The following GRIN2A variants were observed in gnomAD, a reference collection of about 807,000 sequenced individuals.
GRIN2A encodes glutamate receptor ionotropic, NMDA 2A.
Under a neutral mutation model 113.4 loss-of-function variants are expected in GRIN2A, and 22 were observed. The observed-to-expected ratio is 0.19, with a 90% confidence interval of 0.14 to 0.28. The LOEUF (loss-of-function observed/expected upper bound fraction) is 0.28. Among genes scored for constraint, GRIN2A ranks in the 10% least tolerant of loss-of-function variants. The pLI is 1.00. For synonymous variants in GRIN2A, 827 were observed against 738.4 expected, an observed-to-expected ratio of 1.12 and a Z score of -1.94; for missense variants, 1,502 against 1,887.0, an observed-to-expected ratio of 0.80 and a Z score of 3.78.
chr16:9,806,467 A>G lies in GRIN2A; in HGVS notation c.2169-8003T>C, dbSNP rs7186916. 4.1e-3 allele frequency among the ~76,000 whole-genome samples: 623 copies of G among 152,314 alleles called. 3 individuals are homozygous for G. The highest frequency in any genetic ancestry group is 0.014 in the African/African-American group (591 of 41,548). On this transcript the variant is annotated intron_variant, in intron 10 of 12. Transcript: ENST00000330684. ...AATATTCACTGTGAATTGGGCAAAA[A>G]AGATGGATGGTTAATATTTATTTTT...
chr16:10,072,474 G>A (rs1450005843), intron 2 of GRIN2A, among the ~76,000 whole-genome samples: 7 of 152,170 alleles, frequency 4.6e-5, no homozygotes, highest in Non-Finnish European at 7.3e-5. Flanking sequence ...TGAAGCTGGG[G>A]TCCCATGCCC....
intron 3 of GRIN2A, among the ~76,000 whole-genome samples, chr16:9,911,580 T>G (rs1435565770): frequency 6.6e-6 from 1 of 152,172 alleles, no homozygotes; most frequent in African/African-American, 2.4e-5. Context: ...CTGAGCACCA[T>G]CCCAATCCCT....
At chr16:9,805,041 C>T (rs1364457991) in intron 10 of GRIN2A, among the ~76,000 whole-genome samples, 1 of 111,712 alleles carries the variant, frequency 9.0e-6, no homozygotes, top group African/African-American at 3.4e-5. Flanking sequence ...GTAGATCTGA[C>T]CCCATTCCTT....
Position 9,917,891 on chromosome 16 carries a change from T to C in GRIN2A, c.1007+20068A>G, listed in dbSNP as rs549759748. ...CGTTGTACATTTTTAAAAATTTTAT[T>C]CTCAAAAGCCCCAGGGAGTTGGAAT... On this transcript the variant is annotated intron_variant, in intron 3 of 12. Transcript: ENST00000330684. 2.0e-3 allele frequency among the ~76,000 whole-genome samples: 304 copies of C among 152,326 alleles called. No individual in the cohort carries two copies. In the Middle Eastern group the frequency reaches 0.031, roughly 15 times the overall value.
chr16:10,046,275 T>C (rs1232522430), intron 2 of GRIN2A, among the ~76,000 whole-genome samples: 1 of 152,026 alleles, frequency 6.6e-6, no homozygotes, highest in Non-Finnish European at 1.5e-5. Context: ...TCACATCTTA[T>C]CACCACCCTG....
intron 2 of GRIN2A, among the ~76,000 whole-genome samples, chr16:10,068,908 A>C (rs1349533928): frequency 6.6e-6 from 1 of 152,132 alleles, no homozygotes; most frequent in African/African-American, 2.4e-5. Flanking sequence ...AAAGACTCTA[A>C]GAAGGAAAGA....
chr16:10,009,775 T>C (rs1451561104), intron 2 of GRIN2A, among the ~76,000 whole-genome samples: 2 of 151,320 alleles, frequency 1.3e-5, no homozygotes, highest in African/African-American at 4.9e-5. Flanking sequence ...CCTGCCAATC[T>C]GGTCTTTCCT....
At chr16:10,025,003 G>A (rs1159187890) in intron 2 of GRIN2A, among the ~76,000 whole-genome samples, 1 of 152,070 alleles carries the variant, frequency 6.6e-6, no homozygotes, top group African/African-American at 2.4e-5. Context: ...GGAAGAGTCA[G>A]AGAGGAGAGA....
chr16:9,995,115 T>C (rs2046198971), intron 2 of GRIN2A, among the ~76,000 whole-genome samples: 2 of 152,128 alleles, frequency 1.3e-5, no homozygotes, highest in African/African-American at 4.8e-5. Context: ...TATCATCCCC[T>C]TAAGGTTAAG....
At chr16:9,874,135 T>C (rs1365787921) in intron 4 of GRIN2A, among the ~76,000 whole-genome samples, 2 of 152,210 alleles carry the variant, frequency 1.3e-5, no homozygotes, top group African/African-American at 4.8e-5. Flanking sequence ...GCCTCTACTC[T>C]TCCCATCTCA....
At chr16:9,944,955 C>A (rs1396587503) in intron 2 of GRIN2A, among the ~76,000 whole-genome samples, 1 of 152,074 alleles carries the variant, frequency 6.6e-6, no homozygotes, top group Non-Finnish European at 1.5e-5. Context: ...AGGAGGCTAC[C>A]AAAGTGAAGG....
In GRIN2A at chr16:9,784,133, T is replaced by A. The variant is rs1395812543; in HGVS notation, c.2356+14144A>T. ...CCATGAACTTCCAACAAAAGTTTTT[T>A]AAAAAGAATTATATGGCTGGGTGTG... On this transcript the variant is annotated intron_variant, in intron 11 of 12. Coordinates refer to ENST00000330684, the MANE Select transcript of GRIN2A (RefSeq NM_001134407.3). Among the ~76,000 whole-genome samples, 5 of 152,102 alleles carry A rather than the reference T, an allele frequency of 3.3e-5. No individual in the cohort carries two copies. The South Asian group carries it at 8.3e-4, about 25-fold the overall frequency.
At chr16:9,828,328 T>C (rs576727059) in intron 9 of GRIN2A, among the ~76,000 whole-genome samples, 5 of 152,272 alleles carry the variant, frequency 3.3e-5, no homozygotes, top group African/African-American at 1.2e-4. Context: ...TCTCATGCCT[T>C]TGTGGAAATG....
chr16:9,853,943 T>G (rs1344985961), intron 4 of GRIN2A, among the ~76,000 whole-genome samples: 1 of 152,210 alleles, frequency 6.6e-6, no homozygotes, highest in East Asian at 1.9e-4. Flanking sequence ...ATCATTTGCT[T>G]CACAATATTA....
At chr16:10,041,922 G>A (rs1463723440) in intron 2 of GRIN2A, among the ~76,000 whole-genome samples, 1 of 152,068 alleles carries the variant, frequency 6.6e-6, no homozygotes, top group Non-Finnish European at 1.5e-5. Flanking sequence ...TCCACATTCA[G>A]CTTTGTATAT....
chr16:10,030,434 A>C, intron 2 of GRIN2A, among the ~76,000 whole-genome samples: 1 of 152,176 alleles, frequency 6.6e-6, no homozygotes, highest in Non-Finnish European at 1.5e-5. Flanking sequence ...TCACGTGCTC[A>C]GACTTCACCC....
chr16:10,038,654 T>G (rs1392112334), intron 2 of GRIN2A, among the ~76,000 whole-genome samples: 1 of 151,478 alleles, frequency 6.6e-6, no homozygotes, highest in Non-Finnish European at 1.5e-5. Flanking sequence ...TCATCCTGGC[T>G]AACATGGTGA....
intron 3 of GRIN2A, among the ~76,000 whole-genome samples, chr16:9,910,537 C>CT (rs35352418): frequency 0.25 from 30,471 of 122,994 alleles, 4,210 homozygotes; most frequent in Non-Finnish European, 0.32. Flanking sequence ...TCTCAGAGTT[C>CT]TTTTTTTTTT....
intron 3 of GRIN2A, among the ~76,000 whole-genome samples, chr16:9,910,369 T>C (rs1196404582): frequency 6.6e-6 from 1 of 152,040 alleles, no homozygotes; most frequent in Non-Finnish European, 1.5e-5. Flanking sequence ...TTGTTTTCTG[T>C]ATTTTTCCAC....
Sources: gnomAD v4.1 joint callset for allele counts (sites outside exome capture counted in the v4.1 genomes callset) on GRCh38, gnomAD v4.1.1 for gene constraint, MANE v1.5 for transcripts, NCBI Gene and HGNC (gene_info 2026-07-23, HGNC 2026-07-21) for gene names.